Variants in COLEC12 observed in about 807,000 individuals in gnomAD.
COLEC12 encodes the protein collectin-12.
Under a neutral mutation model 71.1 loss-of-function variants are expected in COLEC12, and 33 were observed. That is an observed-to-expected ratio of 0.46 (90% CI 0.35 to 0.62). The LOEUF (loss-of-function observed/expected upper bound fraction) is 0.62. Among genes scored for constraint, COLEC12 ranks in the 20% least tolerant of loss-of-function variants. The pLI, the probability that COLEC12 is intolerant of heterozygous loss-of-function variation, is 0.00. For synonymous variants in COLEC12, 350 were observed against 353.0 expected, an observed-to-expected ratio of 0.99 and a Z score of 0.10; for missense variants, 765 against 916.1, an observed-to-expected ratio of 0.84 and a Z score of 2.13.
chr18:436,533 G>T (rs1182177441), intron 2 of COLEC12, among the ~76,000 whole-genome samples: 4 of 141,818 alleles, frequency 2.8e-5, no homozygotes, highest in African/African-American at 1.0e-4. Context: ...AAAGGGGGGG[G>T]GGGGGGAAAC....
chr18:484,288 A>G (rs1300128193), intron 1 of COLEC12, among the ~76,000 whole-genome samples: 1 of 152,166 alleles, frequency 6.6e-6, no homozygotes, highest in East Asian at 1.9e-4. Context: ...TCCTGCTTCT[A>G]CCTCCAAATT....
chr18:336,704 T>C lies in COLEC12; in HGVS notation c.1328-1474A>G, dbSNP rs191198584. ...AACAGATACCAAGGAGAGTAAGACA[T>C]GGTCAGTCACAATCTAGTAGTGGAG... On this transcript the variant is annotated intron_variant, in intron 5 of 9. Coordinates refer to ENST00000400256, the MANE Select transcript of COLEC12 (RefSeq NM_130386.3). 2.5e-3 allele frequency among the ~76,000 whole-genome samples: 383 copies of C among 152,262 alleles called. 1 individual carries two copies. Among genetic ancestry groups the C allele is most frequent in the Non-Finnish European group, 4.4e-3 (300 of 68,018 alleles).
chr18:389,591 A>AT (rs1915419955), intron 2 of COLEC12, among the ~76,000 whole-genome samples: 1 of 151,720 alleles, frequency 6.6e-6, no homozygotes, highest in African/African-American at 2.4e-5. Flanking sequence ...CTGTGCAGCA[A>AT]TTTTTTTAAA....
intron 1 of COLEC12, among the ~76,000 whole-genome samples, chr18:490,285 A>G (rs1917596968): frequency 1.3e-5 from 2 of 152,244 alleles, no homozygotes; most frequent in South Asian, 4.1e-4. Flanking sequence ...CAGGCTCCTG[A>G]GGGCAGCCAC....
chr18:379,692 G>T (rs1390564874), intron 2 of COLEC12, among the ~76,000 whole-genome samples: 1 of 152,112 alleles, frequency 6.6e-6, no homozygotes. Context: ...GAGTAAAGTG[G>T]TCTGCTCCCA....
In COLEC12 at chr18:475,074, C is replaced by CAAAAAAAA. The variant is rs757096561; in HGVS notation, c.58+5632_58+5633insTTTTTTTT. Among the ~76,000 whole-genome samples, 146 of 101,670 alleles carry CAAAAAAAA rather than the reference C, an allele frequency of 1.4e-3. No individual in the cohort carries two copies. The East Asian group carries it at 0.021, about 15-fold the overall frequency. 66.7% of individuals were successfully genotyped at this position (101,670 alleles called of 152,430 possible). A position where few individuals can be genotyped will look rare whatever the true frequency, so the allele number is the denominator to read the frequency against. ...GGGCGACAAGAGCTAAACTCCGTCTCAAAAATAAATAAATAAATAAATTCA... is the reference window on the plus strand; with the variant it reads ...GGGCGACAAGAGCTAAACTCCGTCTCAAAAAAAAAAAAATAAATAAATAAATAAATTCA... On this transcript the variant is annotated intron_variant, in intron 2 of 9. Transcript: ENST00000400256.
rs1007831793 is a variant in COLEC12 at position 491,348 on chromosome 18, T to C, written c.7+9160A>G. On this transcript the variant is annotated intron_variant, in intron 1 of 9. Coordinates refer to ENST00000400256, the MANE Select transcript of COLEC12 (RefSeq NM_130386.3). Reference sequence around the variant, plus strand: ...CAGAGGCTGATAGAATTAATGGTAATGTGTGGGCTTTGAAATTCAAAGACC... The same window carrying C: ...CAGAGGCTGATAGAATTAATGGTAACGTGTGGGCTTTGAAATTCAAAGACC... 4.6e-5 allele frequency among the ~76,000 whole-genome samples: 7 copies of C among 152,220 alleles called. 1 individual carries two copies. The East Asian group carries it at 1.3e-3, about 29-fold the overall frequency.
intron 2 of COLEC12, among the ~76,000 whole-genome samples, chr18:479,816 C>T (rs4798236): frequency 0.059 from 9,019 of 152,222 alleles, 353 homozygotes; most frequent in Admixed American, 0.13. Flanking sequence ...AAGGTTACCA[C>T]GAACGTGCTG....
chr18:348,114 T>A lies in COLEC12; in HGVS notation c.231A>T (p.Gln77His). The change falls in exon 4 of 10, where the codon CAA (glutamine) becomes CAT (histidine). Residue 77 changes from glutamine to histidine, a missense_variant. Physicochemically the swap from Gln to His is conservative, Grantham distance 24. Coordinates refer to ENST00000400256, the MANE Select transcript of COLEC12 (RefSeq NM_130386.3). ...NVTGGMETSR[Q>H]TYDDKLTAVE... ...CTGCTGTGAGCTTGTCATCATAGGT[T>A]TGGCGAGATGTTTCCATGCCACCTG... The A allele has an allele frequency of 6.2e-7, 1 of 1,614,086 alleles. No individual in the cohort carries two copies. The highest frequency in any genetic ancestry group is 8.5e-7 in the Non-Finnish European group (1 of 1,179,958).
intron 2 of COLEC12, among the ~76,000 whole-genome samples, chr18:407,741 C>T (rs1915818270): frequency 6.6e-6 from 1 of 152,176 alleles, no homozygotes; most frequent in Non-Finnish European, 1.5e-5. Flanking sequence ...CTAGGTACCC[C>T]ACAACCAGTA....
chr18:418,823 C>T (rs1916038916), intron 2 of COLEC12, among the ~76,000 whole-genome samples: 1 of 152,226 alleles, frequency 6.6e-6, no homozygotes, highest in African/African-American at 2.4e-5. Context: ...AATGGGCAAC[C>T]AGCAGCCCTC....
At chr18:368,140 T>A (rs537782225) in intron 2 of COLEC12, among the ~76,000 whole-genome samples, 2 of 152,358 alleles carry the variant, frequency 1.3e-5, no homozygotes, top group African/African-American at 4.8e-5. Flanking sequence ...TGCCTTTATA[T>A]GGAGTTTAGA....
intron 2 of COLEC12, among the ~76,000 whole-genome samples, chr18:458,963 T>C (rs932176132): frequency 1.3e-5 from 2 of 152,210 alleles, no homozygotes; most frequent in African/African-American, 4.8e-5. Flanking sequence ...GCCTTTCAAG[T>C]AGCTGGGACC....
intron 7 of COLEC12, among the ~76,000 whole-genome samples, chr18:331,991 C>T (rs558601565): frequency 1.8e-4 from 27 of 152,272 alleles, no homozygotes; most frequent in African/African-American, 5.1e-4. Flanking sequence ...AAGTTTACAA[C>T]GGATGTTAAA....
At chr18:474,264 A>G (rs1917260148) in intron 2 of COLEC12, among the ~76,000 whole-genome samples, 1 of 152,218 alleles carries the variant, frequency 6.6e-6, no homozygotes, top group African/African-American at 2.4e-5. Context: ...TAAACCACAT[A>G]TAATTCCCAC....
At chr18:355,301 A>T (rs1341048294) in intron 3 of COLEC12, among the ~76,000 whole-genome samples, 1 of 152,088 alleles carries the variant, frequency 6.6e-6, no homozygotes, top group Non-Finnish European at 1.5e-5. Context: ...AACAAACAGG[A>T]AGGGGCCTAA....
chr18:361,863 T>C (rs1323174542), intron 2 of COLEC12, among the ~76,000 whole-genome samples: 1 of 152,216 alleles, frequency 6.6e-6, no homozygotes, highest in Non-Finnish European at 1.5e-5. Flanking sequence ...TTTGGATTTT[T>C]GGACCATGCT....
intron 2 of COLEC12, among the ~76,000 whole-genome samples, chr18:475,546 A>C (rs916129608): frequency 1.3e-5 from 2 of 152,168 alleles, no homozygotes; most frequent in African/African-American, 4.8e-5. Flanking sequence ...CAGCAACAAG[A>C]AGTAGAGGCA....
At chr18:379,782 G>A (rs1915191868) in intron 2 of COLEC12, among the ~76,000 whole-genome samples, 1 of 152,140 alleles carries the variant, frequency 6.6e-6, no homozygotes. Context: ...GTGATGCAAA[G>A]GTCAGATGAA....
Sources: gnomAD v4.1 joint callset for allele counts (sites outside exome capture counted in the v4.1 genomes callset) on GRCh38, gnomAD v4.1.1 for gene constraint, MANE v1.5 for transcripts, NCBI Gene and HGNC (gene_info 2026-07-23, HGNC 2026-07-21) for gene names.